SV2C: variants seen among roughly 807,000 people sequenced by gnomAD.
The protein encoded by SV2C is solute carrier family 22 member B3.
SV2C carries 49 observed loss-of-function variants against 79.7 expected under a neutral mutation model. The observed-to-expected ratio is 0.61, with a 90% confidence interval of 0.49 to 0.78. The LOEUF is 0.78. SV2C is among the 30% of genes least tolerant of loss of function. The pLI, the probability that SV2C is intolerant of heterozygous loss-of-function variation, is 0.00. For missense variants in SV2C, 833 were observed against 912.9 expected, an observed-to-expected ratio of 0.91 and a Z score of 1.13; for synonymous variants, 334 against 333.2, an observed-to-expected ratio of 1.00 and a Z score of -0.03.
chr5:76,038,388 C>T, the SV2C span, among the ~76,000 whole-genome samples: 1 of 152,192 alleles, frequency 6.6e-6, no homozygotes, highest in African/African-American at 2.4e-5. Context: ...TGGAGCCAAG[C>T]AGATCTTGGC....
chr5:75,989,383 G>T, the SV2C span, among the ~76,000 whole-genome samples: 1 of 152,002 alleles, frequency 6.6e-6, no homozygotes, highest in Non-Finnish European at 1.5e-5. Context: ...AGCATGTGGT[G>T]CTTGGTTTTC....
chr5:76,319,355 C>A (rs1748742910), intron 12 of SV2C, among the ~76,000 whole-genome samples: 1 of 151,952 alleles, frequency 6.6e-6, no homozygotes, highest in South Asian at 2.1e-4. Flanking sequence ...GAAGTCGAGG[C>A]TGCAGTGAGC....
chr5:75,960,263 A>T, the SV2C span, among the ~76,000 whole-genome samples: 1 of 151,960 alleles, frequency 6.6e-6, no homozygotes, highest in Non-Finnish European at 1.5e-5. Flanking sequence ...CAAGTGCCTG[A>T]CACTGTCTGT....
At chr5:76,256,676 G>A (rs17651538) in intron 4 of SV2C, among the ~76,000 whole-genome samples, 126,256 of 152,200 alleles carry the variant, frequency 0.83, 52,624 homozygotes, top group Middle Eastern at 0.93. Context: ...TGCAAATTGA[G>A]CTCTGAAAGA....
At chr5:75,954,163 C>A in the SV2C span, among the ~76,000 whole-genome samples, 1 of 152,050 alleles carries the variant, frequency 6.6e-6, no homozygotes, top group African/African-American at 2.4e-5. Context: ...AAAGGGGACG[C>A]ACTGCCTTAT....
chr5:76,097,932 T>C (rs970216020), intron 1 of SV2C, among the ~76,000 whole-genome samples: 1 of 151,812 alleles, frequency 6.6e-6, no homozygotes. Context: ...CTGGAGAAAA[T>C]GTGCAAGCGT....
chr5:75,977,590 A>G, the SV2C span, among the ~76,000 whole-genome samples: 2 of 152,178 alleles, frequency 1.3e-5, no homozygotes, highest in African/African-American at 4.8e-5. Flanking sequence ...GCTCTAGTCC[A>G]TGTGTTCTGT....
chr5:76,245,868 T>C (rs1358089302), intron 4 of SV2C, among the ~76,000 whole-genome samples: 4 of 151,850 alleles, frequency 2.6e-5, no homozygotes, highest in African/African-American at 9.7e-5. Flanking sequence ...CACTGCAGTA[T>C]AAACTAAAAC....
rs79785464 is a variant in SV2C at position 76,134,932 on chromosome 5, G to T, written c.580+2602G>T. ...GAGAGGCAAGGTTTCTCTATCCAAG[G>T]AAGTTATAGTCTAGTAATGGAGAAA... On this transcript the variant is annotated intron_variant, in intron 2 of 12. Coordinates refer to ENST00000502798, the MANE Select transcript of SV2C (RefSeq NM_014979.4). Among the ~76,000 whole-genome samples, 634 of 152,286 alleles carry T rather than the reference G, an allele frequency of 4.2e-3. 5 individuals are homozygous for T. The highest frequency in any genetic ancestry group is 0.04 in the South Asian group (195 of 4,824).
the SV2C span, among the ~76,000 whole-genome samples, chr5:75,875,774 G>C: frequency 2.0e-5 from 3 of 151,738 alleles, no homozygotes; most frequent in African/African-American, 7.3e-5. Flanking sequence ...ACATGAACAG[G>C]CACCTCTCAA....
chr5:75,946,046 G>A, the SV2C span, among the ~76,000 whole-genome samples: 1 of 151,872 alleles, frequency 6.6e-6, no homozygotes, highest in African/African-American at 2.4e-5. Context: ...TCAAAGCAAG[G>A]AGGAAAATGC....
chr5:75,893,422 A>G, the SV2C span, among the ~76,000 whole-genome samples: 1 of 152,148 alleles, frequency 6.6e-6, no homozygotes, highest in Non-Finnish European at 1.5e-5. Flanking sequence ...GCCATAAAAA[A>G]GAACAGAATC....
the SV2C span, among the ~76,000 whole-genome samples, chr5:75,865,198 A>G: frequency 5.9e-5 from 9 of 152,240 alleles, no homozygotes; most frequent in African/African-American, 2.2e-4. Flanking sequence ...AGCTGGGTCT[A>G]TGAGAGCAAC....
the SV2C span, among the ~76,000 whole-genome samples, chr5:75,895,984 A>G: frequency 6.6e-6 from 1 of 152,128 alleles, no homozygotes; most frequent in Non-Finnish European, 1.5e-5. Context: ...CTATATACAC[A>G]CATACAAAAT....
chr5:76,114,863 G>T (rs1161419705), intron 1 of SV2C, among the ~76,000 whole-genome samples: 1 of 152,202 alleles, frequency 6.6e-6, no homozygotes, highest in African/African-American at 2.4e-5. Context: ...GCTGGCTGAT[G>T]AATTATATTT....
intron 6 of SV2C, among the ~76,000 whole-genome samples, chr5:76,287,847 G>A (rs543288864): frequency 2.7e-4 from 41 of 152,196 alleles, no homozygotes; most frequent in Non-Finnish European, 4.7e-4. Context: ...AGCACTTTGG[G>A]AGGCTGAGGT....
the SV2C span, among the ~76,000 whole-genome samples, chr5:75,944,703 C>G: frequency 2.4e-3 from 369 of 152,222 alleles, 1 homozygote; most frequent in Non-Finnish European, 3.4e-3. Context: ...GACAGAAGAA[C>G]TCTGGCAGAA....
intron 9 of SV2C, 21 bp downstream of exon 9, chr5:76,295,963 T>A (rs771842307): frequency 5.2e-6 from 8 of 1,544,782 alleles, no homozygotes; most frequent in Non-Finnish European, 6.1e-6. Context: ...TTGAAATAAT[T>A]TAATTTGCTA....
intron 4 of SV2C, among the ~76,000 whole-genome samples, chr5:76,268,787 T>A (rs1346257701): frequency 1.3e-5 from 2 of 152,200 alleles, no homozygotes; most frequent in African/African-American, 4.8e-5. Context: ...CCTTTACTTG[T>A]CAACTTCAGG....
Sources: allele counts gnomAD v4.1 joint callset (sites outside exome capture counted in the v4.1 genomes callset), GRCh38; gene constraint gnomAD v4.1.1; transcripts MANE v1.5; gene names NCBI Gene and HGNC (gene_info 2026-07-23, HGNC 2026-07-21).